The following COPG2 variants were observed in gnomAD, a reference collection of about 807,000 sequenced individuals.
The protein encoded by COPG2 is coat protein complex I subunit gamma 2, also known as coatomer subunit gamma-2.
Under a neutral mutation model 46.3 loss-of-function variants are expected in COPG2, and 37 were observed. The ratio of observed to expected loss-of-function variants is 0.80; its 90% CI spans 0.61 to 1.05. The LOEUF (loss-of-function observed/expected upper bound fraction) is 1.05. Ranked by LOEUF, COPG2 falls within the 50% of genes least tolerant of loss-of-function variation. The probability of loss-of-function intolerance (pLI) is 0.00; values close to 1 mark genes in which losing one functional copy is unlikely to be tolerated. For missense variants in COPG2, 427 were observed against 387.8 expected, an observed-to-expected ratio of 1.10 and a Z score of -0.85; for synonymous variants, 159 against 129.7, an observed-to-expected ratio of 1.23 and a Z score of -1.53.
chr7:130,511,052 AAAG>A, intron 20 of COPG2: 5 of 502,592 alleles, frequency 9.9e-6, no homozygotes, highest in South Asian at 7.3e-5. Context: ...ATTTGTATGA[AAAG>A]AACCCAGCGA....
chr7:130,656,307 A>G (rs1795852247), intron 4 of COPG2, among the ~76,000 whole-genome samples: 1 of 152,100 alleles, frequency 6.6e-6, no homozygotes, highest in Non-Finnish European at 1.5e-5. Flanking sequence ...AAGATCAATA[A>G]AGTTTATAAA....
At chr7:130,529,022 C>A (rs1799800310) in intron 20 of COPG2, among the ~76,000 whole-genome samples, 1 of 152,090 alleles carries the variant, frequency 6.6e-6, no homozygotes, top group Non-Finnish European at 1.5e-5. Context: ...AGCTGGGCAC[C>A]ACAGTGTCAA....
intron 5 of COPG2, among the ~76,000 whole-genome samples, chr7:130,642,473 G>A (rs1795511125): frequency 6.6e-6 from 1 of 152,116 alleles, no homozygotes; most frequent in East Asian, 1.9e-4. Context: ...GGCTGTTCTT[G>A]GAGTTTATAC....
intron 5 of COPG2, among the ~76,000 whole-genome samples, chr7:130,647,672 GGTATT>G (rs1240644013): frequency 1.3e-5 from 2 of 150,392 alleles, no homozygotes; most frequent in Non-Finnish European, 3.0e-5. Flanking sequence ...TTTTTATTTT[GGTATT>G]GTCAAGCTTT....
rs1017541650 is a variant in COPG2, at chr7:130,543,876, T to C, written c.2149+3798A>G. On this transcript the variant is annotated intron_variant, in intron 20 of 23. Coordinates refer to ENST00000425248, the MANE Select transcript of COPG2 (RefSeq NM_012133.6). ...AGGGGTATCAAATAGGTTAGAAAGA[T>C]GGCTTGAAAGGAAATGAGGGAAATT... Among the ~76,000 whole-genome samples the C allele has an allele frequency of 2.3e-3, 343 of 152,190 alleles. 1 individual carries two copies. Among genetic ancestry groups the C allele is most frequent in the Non-Finnish European group, 3.2e-3 (218 of 68,000 alleles).
intron 20 of COPG2, among the ~76,000 whole-genome samples, chr7:130,527,994 T>G (rs1297601426): frequency 6.6e-6 from 1 of 151,860 alleles, no homozygotes; most frequent in African/African-American, 2.4e-5. Context: ...GGGGATCTGT[T>G]GTCACGGGGA....
intron 4 of COPG2, among the ~76,000 whole-genome samples, chr7:130,662,186 C>A (rs1554460900): frequency 6.6e-6 from 1 of 152,096 alleles, no homozygotes; most frequent in Non-Finnish European, 1.5e-5. Context: ...AATGGCCTCC[C>A]CTGAAACAGC....
At chr7:130,644,455 T>C (rs17562397) in intron 5 of COPG2, among the ~76,000 whole-genome samples, 65,045 of 152,012 alleles carry the variant, frequency 0.43, 16,669 homozygotes, top group East Asian at 0.59. Context: ...CCGGTGAAGA[T>C]AGGGCTGCTC....
chr7:130,616,865 G>T, intron 6 of COPG2, 125 bp downstream of exon 6: 1 of 561,608 alleles, frequency 1.8e-6, no homozygotes. Flanking sequence ...AGCCTTTCTG[G>T]TGATCATGTT....
chr7:130,571,150 C>T (rs1554445487), intron 9 of COPG2, among the ~76,000 whole-genome samples: 2 of 152,198 alleles, frequency 1.3e-5, no homozygotes, highest in African/African-American at 4.8e-5. Flanking sequence ...GACTTCATGA[C>T]CAAGAACCCA....
At chr7:130,565,734 C>A (rs1793792248) in intron 9 of COPG2, among the ~76,000 whole-genome samples, 1 of 151,638 alleles carries the variant, frequency 6.6e-6, no homozygotes, top group South Asian at 2.1e-4. Context: ...AATAAAGTGA[C>A]AGAAATGATT....
intron 5 of COPG2, among the ~76,000 whole-genome samples, chr7:130,629,247 TAG>T: frequency 6.6e-6 from 1 of 152,274 alleles, no homozygotes; most frequent in East Asian, 1.9e-4. Context: ...CTGATATGCC[TAG>T]AGGTATGTGT....
At chr7:130,564,929 G>C (rs1386713572) in intron 9 of COPG2, among the ~76,000 whole-genome samples, 3 of 152,186 alleles carry the variant, frequency 2.0e-5, no homozygotes. Context: ...TGCCCAGGGA[G>C]TTTGTCCAAA....
intron 12 of COPG2, among the ~76,000 whole-genome samples, chr7:130,558,238 G>A (rs1793662946): frequency 3.9e-5 from 6 of 152,114 alleles, no homozygotes; most frequent in Admixed American, 3.9e-4. Context: ...GGTGGGAGGT[G>A]ACTGGATCAT....
intron 5 of COPG2, among the ~76,000 whole-genome samples, chr7:130,643,672 A>G (rs1554457655): frequency 6.6e-6 from 1 of 152,180 alleles, no homozygotes; most frequent in Non-Finnish European, 1.5e-5. Context: ...AAGAATGAGT[A>G]ACAAGCTACG....
At position 130,604,961 on chromosome 7, in the gene COPG2, T is replaced by A. The variant is rs1167286266; in HGVS notation, c.737+5992A>T. Among the ~76,000 whole-genome samples, 3 of 152,230 alleles carry A rather than the reference T, an allele frequency of 2.0e-5. No homozygotes were observed. In the East Asian group the frequency reaches 5.8e-4, roughly 29 times the overall value. ...ATTTTTAAAATGAGGTATATTATGC[T>A]ATGTTTTACTGTTAGATCAACCTTA... On this transcript the variant is annotated intron_variant, in intron 9 of 23. Transcript: ENST00000425248.
intron 20 of COPG2, among the ~76,000 whole-genome samples, chr7:130,532,972 A>G (rs1799843572): frequency 1.3e-5 from 2 of 152,208 alleles, no homozygotes; most frequent in South Asian, 4.2e-4. Flanking sequence ...TATGCAGTAG[A>G]GGAGGAAAGC....
chr7:130,605,140 T>G, intron 9 of COPG2: 1 of 507,890 alleles, frequency 2.0e-6, no homozygotes, highest in Non-Finnish European at 3.9e-6. Flanking sequence ...CTCTTTATTT[T>G]CTTTAATCTG....
At chr7:130,594,272 T>A in intron 9 of COPG2, among the ~76,000 whole-genome samples, 1 of 151,958 alleles carries the variant, frequency 6.6e-6, no homozygotes, top group Admixed American at 6.6e-5. Flanking sequence ...GAACAAATCG[T>A]TTTTCATGAA....
Sources: allele counts gnomAD v4.1 joint callset (sites outside exome capture counted in the v4.1 genomes callset), GRCh38; gene constraint gnomAD v4.1.1; transcripts MANE v1.5; gene names NCBI Gene and HGNC (gene_info 2026-07-23, HGNC 2026-07-21).